Variants in CPXM2 observed in about 807,000 individuals in gnomAD.
CPXM2 encodes the protein carboxypeptidase X, M14 family member 2.
A neutral mutation model predicts 86.1 loss-of-function variants in CPXM2; 66 were observed. That is an observed-to-expected ratio of 0.77 (90% CI 0.63 to 0.94). The LOEUF (loss-of-function observed/expected upper bound fraction) is 0.94, where lower values mean the gene tolerates loss of function less well. Ranked by LOEUF, CPXM2 falls within the 40% of genes least tolerant of loss-of-function variation. The probability of loss-of-function intolerance (pLI) is 0.00; values close to 1 mark genes in which losing one functional copy is unlikely to be tolerated. For missense variants in CPXM2, 948 were observed against 1,026.3 expected (o/e 0.92, Z 1.04); for synonymous variants, 388 against 400.2 (o/e 0.97, Z 0.36).
chr10:123,778,993 C>A (rs776106491), intron 7 of CPXM2, among the ~76,000 whole-genome samples: 1 of 152,196 alleles, frequency 6.6e-6, no homozygotes, highest in African/African-American at 2.4e-5. Context: ...CAAGACAAAC[C>A]CGGCTTGTTC....
intron 4 of CPXM2, among the ~76,000 whole-genome samples, chr10:123,831,778 T>C (rs1050871628): frequency 7.9e-5 from 12 of 152,066 alleles, no homozygotes; most frequent in Non-Finnish European, 1.8e-4. Flanking sequence ...AGAACCCTAG[T>C]GATTACATTG....
At chr10:123,926,015 G>T (rs926904859) in intron 2 of CPXM2, among the ~76,000 whole-genome samples, 1 of 152,168 alleles carries the variant, frequency 6.6e-6, no homozygotes, top group Non-Finnish European at 1.5e-5. Flanking sequence ...GGATCTCAGG[G>T]CTAGAAGGAC....
chr10:123,786,731 T>C (rs1002790615), intron 6 of CPXM2, among the ~76,000 whole-genome samples: 1 of 152,110 alleles, frequency 6.6e-6, no homozygotes, highest in Admixed American at 6.6e-5. Flanking sequence ...ACCAGCCCTT[T>C]CAAAAGACAA....
intron 4 of CPXM2, among the ~76,000 whole-genome samples, chr10:123,826,537 G>A (rs934891623): frequency 1.3e-4 from 20 of 152,084 alleles, no homozygotes; most frequent in Non-Finnish European, 2.4e-4. Context: ...GGGTATGAAG[G>A]ATTACACAAA....
intron 4 of CPXM2, among the ~76,000 whole-genome samples, chr10:123,829,104 T>C (rs966094065): frequency 1.3e-5 from 2 of 152,044 alleles, no homozygotes; most frequent in African/African-American, 4.8e-5. Context: ...AGATGGCAAA[T>C]AAGCACATAA....
intron 4 of CPXM2, among the ~76,000 whole-genome samples, chr10:123,836,541 C>G (rs963312794): frequency 9.2e-5 from 14 of 152,184 alleles, no homozygotes; most frequent in African/African-American, 3.1e-4. Flanking sequence ...CCCAAAAGAA[C>G]AGTGACAATT....
At chr10:123,836,320 C>T (rs1001535227) in intron 4 of CPXM2, among the ~76,000 whole-genome samples, 4 of 152,140 alleles carry the variant, frequency 2.6e-5, no homozygotes, top group Admixed American at 6.5e-5. Context: ...CTTCTGAAGC[C>T]TCATCTCCCA....
At chr10:123,939,394 G>C (rs2134294465) in intron 2 of CPXM2, 1 of 152,330 alleles carries the variant, frequency 6.6e-6, no homozygotes, top group Middle Eastern at 3.4e-3. Flanking sequence ...GGTCATGCTG[G>C]TGGCTCTAAG....
intron 2 of CPXM2, chr10:123,931,670 G>A (rs1290597227): frequency 6.6e-6 from 1 of 152,166 alleles, no homozygotes; most frequent in Non-Finnish European, 1.5e-5. Context: ...TCATCAAAAA[G>A]GGATGGTTGT....
intron 6 of CPXM2, among the ~76,000 whole-genome samples, chr10:123,783,630 A>C (rs1211003315): frequency 6.6e-6 from 1 of 152,162 alleles, no homozygotes; most frequent in Non-Finnish European, 1.5e-5. Context: ...CCTGACCTCC[A>C]CACAAAGGCC....
chr10:123,817,655 G>A (rs1170529252), intron 4 of CPXM2, among the ~76,000 whole-genome samples: 2 of 152,168 alleles, frequency 1.3e-5, no homozygotes, highest in Admixed American at 1.3e-4. Flanking sequence ...GTTACATGAG[G>A]AAGTGGCTCA....
chr10:123,866,380 A>G (rs1848980576), intron 2 of CPXM2, among the ~76,000 whole-genome samples: 3 of 139,452 alleles, frequency 2.2e-5, no homozygotes, highest in African/African-American at 5.8e-5. Context: ...CCTGGCCGAT[A>G]TGGTGAAACC....
At chr10:123,791,824 C>T (rs930954397) in intron 6 of CPXM2, among the ~76,000 whole-genome samples, 2 of 152,230 alleles carry the variant, frequency 1.3e-5, no homozygotes, top group African/African-American at 4.8e-5. Flanking sequence ...TCTGGGGACA[C>T]TATTCAGCCT....
chr10:123,896,631 T>C (rs2134256940), upstream of CPXM2, among the ~76,000 whole-genome samples: 1 of 152,370 alleles, frequency 6.6e-6, no homozygotes, highest in East Asian at 1.9e-4. Flanking sequence ...GCCTCCACTC[T>C]GTGGTTTCAT....
intron 2 of CPXM2, among the ~76,000 whole-genome samples, chr10:123,879,041 C>A (rs1265476493): frequency 6.6e-6 from 1 of 152,226 alleles, no homozygotes; most frequent in Non-Finnish European, 1.5e-5. Context: ...TCTCAATGGG[C>A]AATGGGTGGA....
chr10:123,919,924 C>T (rs1945567601), intron 2 of CPXM2, among the ~76,000 whole-genome samples: 2 of 152,170 alleles, frequency 1.3e-5, no homozygotes, highest in East Asian at 3.9e-4. Context: ...GAGGAGGTTC[C>T]AGGCTCTTTT....
intron 3 of CPXM2, among the ~76,000 whole-genome samples, chr10:123,844,232 T>C (rs1848450031): frequency 6.6e-6 from 1 of 151,818 alleles, no homozygotes; most frequent in African/African-American, 2.4e-5. Flanking sequence ...ACGAGAAGAA[T>C]GCATTCATCT....
chr10:123,761,306 C>T (rs1163708941), intron 11 of CPXM2, among the ~76,000 whole-genome samples: 1 of 152,216 alleles, frequency 6.6e-6, no homozygotes, highest in Non-Finnish European at 1.5e-5. Flanking sequence ...GAACCGTCCT[C>T]ACCACAGGTT....
intron 1 of CPXM2, among the ~76,000 whole-genome samples, chr10:123,883,798 C>G (rs901204740): frequency 1.3e-5 from 2 of 152,146 alleles, no homozygotes; most frequent in Non-Finnish European, 2.9e-5. Flanking sequence ...GGACAGCACA[C>G]AGGCCCCCCC....
Sources: gnomAD v4.1 joint callset for allele counts (sites outside exome capture counted in the v4.1 genomes callset) on GRCh38, gnomAD v4.1.1 for gene constraint, MANE v1.5 for transcripts, NCBI Gene and HGNC (gene_info 2026-07-23, HGNC 2026-07-21) for gene names.